Variants in CLNK observed in about 807,000 individuals in gnomAD.
CLNK encodes the protein cytokine-dependent hematopoietic cell linker.
CLNK carries 74 observed loss-of-function variants against 68.6 expected under a neutral mutation model. The observed-to-expected ratio is 1.08, with a 90% CI of 0.89 to 1.31. The LOEUF (loss-of-function observed/expected upper bound fraction) is 1.31, where lower values mean the gene tolerates loss of function less well. Ranked by LOEUF, CLNK falls within the 50% of genes most tolerant of loss-of-function variation. CLNK has a pLI of 0.00. For missense variants in CLNK, 553 were observed against 515.3 expected, an observed-to-expected ratio of 1.07 and a Z score of -0.71; for synonymous variants, 198 against 172.2, an observed-to-expected ratio of 1.15 and a Z score of -1.17.
chr4:10,587,113 C>T (rs1412944388), intron 3 of CLNK, among the ~76,000 whole-genome samples: 4 of 152,054 alleles, frequency 2.6e-5, no homozygotes, highest in African/African-American at 4.8e-5. Context: ...TACAGGCATG[C>T]GCCACCACAC....
intron 2 of CLNK, among the ~76,000 whole-genome samples, chr4:10,648,937 T>C (rs543911311): frequency 6.6e-6 from 1 of 152,314 alleles, no homozygotes; most frequent in South Asian, 2.1e-4. Context: ...CATCTTAATA[T>C]ATAGATTAGC....
In CLNK at chr4:10,489,968, G is replaced by A; in HGVS notation, c.*499C>T. On this transcript the variant is annotated 3_prime_UTR_variant, in exon 19 of 19. Transcript: ENST00000226951. The stretch of plus-strand genomic sequence containing the variant: ...GGCATGAGGCACCGCACCCAGCCCA[G>A]CATCTTTAGTGTAAGAAATCATCCA... 6.5e-6 allele frequency: 1 copy of A among 153,604 alleles called. No individual in the cohort carries two copies. The highest frequency in any genetic ancestry group is 1.4e-5 in the Non-Finnish European group (1 of 69,210). The allele number at this position is 153,604 out of a possible 1,614,324, so 9.5% of individuals were successfully genotyped here. A position where few individuals can be genotyped will look rare whatever the true frequency, so the allele number is the denominator to read the frequency against.
the CLNK span, among the ~76,000 whole-genome samples, chr4:10,707,178 G>A: frequency 2.0e-5 from 3 of 152,170 alleles, no homozygotes; most frequent in East Asian, 5.8e-4. Context: ...ATTGGTAGAA[G>A]AATTGTCTTG....
At chr4:10,648,785 A>G (rs1469223088) in intron 2 of CLNK, among the ~76,000 whole-genome samples, 1 of 152,184 alleles carries the variant, frequency 6.6e-6, no homozygotes, top group African/African-American at 2.4e-5. Flanking sequence ...GAAAGAACAC[A>G]GAAGCTCAGT....
chr4:10,699,905 G>A, the CLNK span, among the ~76,000 whole-genome samples: 1 of 151,166 alleles, frequency 6.6e-6, no homozygotes, highest in African/African-American at 2.4e-5. Context: ...TATTTTTATT[G>A]GTATTATTTT....
At chr4:10,642,499 A>G (rs778403317) in intron 2 of CLNK, among the ~76,000 whole-genome samples, 8 of 152,164 alleles carry the variant, frequency 5.3e-5, no homozygotes, top group Non-Finnish European at 1.2e-4. Flanking sequence ...GGCAGAGTGG[A>G]CCATAAGGAT....
chr4:10,727,970 G>A, the CLNK span, among the ~76,000 whole-genome samples: 14 of 152,276 alleles, frequency 9.2e-5, no homozygotes, highest in Non-Finnish European at 1.6e-4. Flanking sequence ...GCTCAAGGTT[G>A]AGAACCACCA....
intron 17 of CLNK, among the ~76,000 whole-genome samples, chr4:10,501,796 G>A (rs1175181338): frequency 2.0e-5 from 3 of 152,092 alleles, no homozygotes; most frequent in Non-Finnish European, 4.4e-5. Context: ...GCATGGTGGC[G>A]GGCGCCTGTA....
At chr4:10,628,663 G>A (rs1337704107) in intron 2 of CLNK, among the ~76,000 whole-genome samples, 4 of 152,184 alleles carry the variant, frequency 2.6e-5, no homozygotes, top group Non-Finnish European at 5.9e-5. Flanking sequence ...CTTCAGTGAA[G>A]ACTGCGATGC....
At chr4:10,550,733 AT>A (rs767450414) in intron 8 of CLNK, among the ~76,000 whole-genome samples, 2 of 152,082 alleles carry the variant, frequency 1.3e-5, no homozygotes, top group African/African-American at 2.4e-5. Context: ...TAGAAGATTC[AT>A]TTTTATTGTC....
At chr4:10,641,884 G>A (rs1169343903) in intron 2 of CLNK, among the ~76,000 whole-genome samples, 3 of 152,126 alleles carry the variant, frequency 2.0e-5, no homozygotes, top group Non-Finnish European at 4.4e-5. Flanking sequence ...GAGATCTGAT[G>A]GTTTTACAAA....
At chr4:10,652,854 G>T (rs1214772440) in intron 2 of CLNK, among the ~76,000 whole-genome samples, 1 of 152,104 alleles carries the variant, frequency 6.6e-6, no homozygotes, top group African/African-American at 2.4e-5. Context: ...GCAAAAAAAT[G>T]CCCCTTATAT....
chr4:10,565,974 C>A (rs1720091883), intron 6 of CLNK, 35 bp downstream of exon 6: 2 of 1,604,606 alleles, frequency 1.2e-6, no homozygotes, highest in East Asian at 2.2e-5. Context: ...CATGTACATG[C>A]ATCTTCTTAT....
chr4:10,614,983 C>T (rs1038180319), intron 2 of CLNK, among the ~76,000 whole-genome samples: 2 of 151,752 alleles, frequency 1.3e-5, no homozygotes, highest in African/African-American at 4.8e-5. Context: ...GTCAGGTGTT[C>T]GAGACCAGCC....
At chr4:10,573,205 T>C (rs1720418132) in intron 4 of CLNK, among the ~76,000 whole-genome samples, 1 of 152,228 alleles carries the variant, frequency 6.6e-6, no homozygotes, top group Admixed American at 6.5e-5. Flanking sequence ...GAGTTGTTAA[T>C]TGTATCAGCA....
At chr4:10,695,524 C>T in the CLNK span, among the ~76,000 whole-genome samples, 1 of 152,242 alleles carries the variant, frequency 6.6e-6, no homozygotes, top group African/African-American at 2.4e-5. Flanking sequence ...TCAAGCTAAA[C>T]TCAGTGGCCC....
chr4:10,579,081 T>C (rs1720686778), intron 4 of CLNK, among the ~76,000 whole-genome samples: 1 of 152,220 alleles, frequency 6.6e-6, no homozygotes, highest in Admixed American at 6.5e-5. Flanking sequence ...ATGCACTTTC[T>C]TTCCTCTATA....
intron 16 of CLNK, among the ~76,000 whole-genome samples, chr4:10,509,437 C>A (rs1560193939): frequency 6.6e-6 from 1 of 152,120 alleles, no homozygotes; most frequent in African/African-American, 2.4e-5. Context: ...CCAGAACTGG[C>A]CCTACTGCCT....
At chr4:10,520,685 A>G (rs1469223087) in intron 15 of CLNK, 106 bp downstream of exon 15, 4 of 760,490 alleles carry the variant, frequency 5.3e-6, no homozygotes, top group African/African-American at 5.2e-5. Flanking sequence ...ACATCTGTAC[A>G]CATCAGCTCA....
Sources: allele counts gnomAD v4.1 joint callset (sites outside exome capture counted in the v4.1 genomes callset), GRCh38; gene constraint gnomAD v4.1.1; transcripts MANE v1.5; gene names NCBI Gene and HGNC (gene_info 2026-07-23, HGNC 2026-07-21).